Variants in TNR observed in about 807,000 individuals in gnomAD.
TNR encodes tenascin-R.
In TNR, 45 loss-of-function variants were observed where a neutral mutation model predicts 150.4. The observed-to-expected ratio is 0.30, with a 90% confidence interval of 0.24 to 0.38. TNR has a LOEUF of 0.38. Ranked by LOEUF, TNR falls within the 10% of genes least tolerant of loss-of-function variation. The pLI, the probability that TNR is intolerant of heterozygous loss-of-function variation, is 1.00. For missense variants in TNR, 1,544 were observed against 1,759.1 expected, an observed-to-expected ratio of 0.88 and a Z score of 2.19; for synonymous variants, 687 against 678.4, an observed-to-expected ratio of 1.01 and a Z score of -0.20.
rs577565972 is a variant in TNR at position 175,491,895 on chromosome 1, C to T, written c.-64+36374G>A. ...CGATCTCCTGACCTCGTGATCCGCC[C>T]GCCTTGGCCTCCCAAAGTGCTGGGA... On this transcript the variant is annotated intron_variant, in intron 2 of 22. Coordinates refer to ENST00000367674, the MANE Select transcript of TNR (RefSeq NM_003285.3). Among the ~76,000 whole-genome samples, 11 of 151,736 alleles carry T rather than the reference C, an allele frequency of 7.2e-5. No individual in the cohort carries two copies. In the South Asian group the frequency reaches 1.7e-3, roughly 23 times the overall value.
In TNR at chr1:175,366,030, G is replaced by T. The variant is rs774540890; in HGVS notation, c.2162C>A (p.Thr721Asn). 27 of 1,614,034 alleles carry T rather than the reference G, an allele frequency of 1.7e-5. No homozygotes were observed. The Admixed American group carries it at 4.3e-4, about 26-fold the overall frequency. Residue 721 changes from threonine (T) to asparagine (N), a missense_variant, in exon 11 of 23, where the codon ACC becomes AAC. This residue lies in a region of TNR where 1,254 missense variants were observed against 1,329.4 expected (regional missense o/e 0.94). Coordinates refer to ENST00000367674, the MANE Select transcript of TNR (RefSeq NM_003285.3). ...GPIDHYRITFTPSSGIASEVT... is the reference protein window; with the variant it reads ...GPIDHYRITFNPSSGIASEVT... ...TTCTGAGGCAATCCCAGAGGATGGG[G>T]TAAAGGTAATTCGGTAGTGGTCAAT...
At chr1:175,576,613 C>T (rs1662119489) in intron 1 of TNR, among the ~76,000 whole-genome samples, 1 of 152,158 alleles carries the variant, frequency 6.6e-6, no homozygotes, top group African/African-American at 2.4e-5. Context: ...GATCTTTCCC[C>T]ACCTCCATCA....
rs56874892 is a variant in TNR, at chr1:175,587,898, A to C, written c.-164-59529T>G. On this transcript the variant is annotated intron_variant, in intron 1 of 22. Transcript: ENST00000367674. Reference sequence around the variant, plus strand: ...CCCATGTAACCACTAAGAGAGGGGAAGCAAACAGTGAGGGCCACTCACATG... The same window carrying C: ...CCCATGTAACCACTAAGAGAGGGGACGCAAACAGTGAGGGCCACTCACATG... Among the ~76,000 whole-genome samples, 559 of 152,320 alleles carry C rather than the reference A, an allele frequency of 3.7e-3. 4 individuals carry two copies. The highest frequency in any genetic ancestry group is 0.013 in the African/African-American group (534 of 41,572).
chr1:175,366,208 G>T (rs1651835928), intron 10 of TNR, 70 bp from the exon 11 acceptor site: 15 of 1,476,898 alleles, frequency 1.0e-5, no homozygotes, highest in East Asian at 9.3e-5. Context: ...GGCCTGCTTT[G>T]TGTGTTTCCA....
Position 175,607,248 on chromosome 1 carries a change from AGCTT to A in TNR, c.-164-78883_-164-78880del, listed in dbSNP as rs796662608. On this transcript the variant is annotated intron_variant, in intron 1 of 22. Transcript: ENST00000367674. ...TCTTGAGACTAGAGGTCACATGACA[AGCTT>A]GCAAGTGGCTCAAGTAGGAAGGACA... Among the ~76,000 whole-genome samples, 19 of 152,340 alleles carry A rather than the reference AGCTT, an allele frequency of 1.2e-4. 1 individual carries two copies. In the South Asian group the frequency reaches 3.7e-3, roughly 30 times the overall value.
At chr1:175,632,209 G>A (rs1443405804) in intron 1 of TNR, among the ~76,000 whole-genome samples, 2 of 152,198 alleles carry the variant, frequency 1.3e-5, no homozygotes, top group African/African-American at 4.8e-5. Flanking sequence ...TAGAAATTTT[G>A]CAAACAAAAG....
chr1:175,331,188 TC>T (rs869287091), intron 20 of TNR, among the ~76,000 whole-genome samples: 21 of 65,040 alleles, frequency 3.2e-4, no homozygotes, highest in Admixed American at 1.7e-3. Context: ...CTTCCTTCCT[TC>T]CTTCCTTCCT....
chr1:175,545,983 G>C (rs1239125042), intron 1 of TNR, among the ~76,000 whole-genome samples: 1 of 152,192 alleles, frequency 6.6e-6, no homozygotes, highest in Non-Finnish European at 1.5e-5. Context: ...CTGGCTTCCT[G>C]GAGAGTGGAA....
chr1:175,407,845 C>G (rs1413559240), intron 2 of TNR, among the ~76,000 whole-genome samples: 2 of 152,202 alleles, frequency 1.3e-5, no homozygotes, highest in Non-Finnish European at 2.9e-5. Context: ...GAATGCAGGT[C>G]TGACTCCAAA....
intron 2 of TNR, among the ~76,000 whole-genome samples, chr1:175,437,034 A>T (rs917400381): frequency 2.0e-5 from 3 of 152,228 alleles, no homozygotes; most frequent in Non-Finnish European, 4.4e-5. Context: ...GACCTAATAG[A>T]CATCTACAGA....
rs1042937345 is a variant in TNR, at chr1:175,321,648, T to C, written c.*1709A>G. On this transcript the variant is annotated 3_prime_UTR_variant, in exon 23 of 23. Transcript: ENST00000367674. ...TTGAAAGGTCACGGCTTCTAGAGCA[T>C]CTAGCTCTCTTGGGCTTAAGATCAA... The C allele has an allele frequency of 6.6e-5, 10 of 152,352 alleles. No individual in the cohort carries two copies. The highest frequency in any genetic ancestry group is 2.4e-4 in the African/African-American group (10 of 41,460). 9.4% of individuals were successfully genotyped at this position (152,352 alleles called of 1,614,324 possible). A position where few individuals can be genotyped will look rare whatever the true frequency, so the allele number is the denominator to read the frequency against.
intron 1 of TNR, among the ~76,000 whole-genome samples, chr1:175,612,256 G>T (rs777709902): frequency 6.6e-6 from 1 of 152,138 alleles, no homozygotes; most frequent in African/African-American, 2.4e-5. Context: ...CCACCCCTAG[G>T]TTTCTCCTAC....
intron 2 of TNR, among the ~76,000 whole-genome samples, chr1:175,428,801 T>C (rs1655130197): frequency 6.6e-6 from 1 of 152,236 alleles, no homozygotes; most frequent in Non-Finnish European, 1.5e-5. Context: ...GCTCACCAAC[T>C]ACTCTTAGTT....
intron 2 of TNR, among the ~76,000 whole-genome samples, chr1:175,482,639 G>A (rs1380588551): frequency 1.3e-5 from 2 of 152,166 alleles, no homozygotes; most frequent in East Asian, 1.9e-4. Flanking sequence ...CTAAGAAGGT[G>A]AACATCCAGC....
At chr1:175,671,010 A>T (rs893897734) in intron 1 of TNR, among the ~76,000 whole-genome samples, 3 of 152,152 alleles carry the variant, frequency 2.0e-5, no homozygotes, top group African/African-American at 7.2e-5. Flanking sequence ...AAGGATGATG[A>T]TGGCTGGAAC....
intron 12 of TNR, among the ~76,000 whole-genome samples, chr1:175,364,578 C>T (rs1651749337): frequency 6.6e-6 from 1 of 152,186 alleles, no homozygotes; most frequent in Non-Finnish European, 1.5e-5. Context: ...AGGTCACTAC[C>T]TGATTGCATG....
intron 14 of TNR, among the ~76,000 whole-genome samples, chr1:175,362,210 C>A (rs533981939): frequency 6.6e-6 from 1 of 152,106 alleles, no homozygotes; most frequent in African/African-American, 2.4e-5. Flanking sequence ...CTCCCTGGAG[C>A]ACAAAGCAAG....
chr1:175,448,647 T>A (rs541447229), intron 2 of TNR, among the ~76,000 whole-genome samples: 140 of 152,272 alleles, frequency 9.2e-4, no homozygotes, highest in African/African-American at 2.6e-3. Context: ...TTTCGAGCTG[T>A]GGAGGCAACC....
chr1:175,694,375 C>T (rs1571759767), intron 1 of TNR, among the ~76,000 whole-genome samples: 2 of 152,314 alleles, frequency 1.3e-5, no homozygotes, highest in East Asian at 1.9e-4. Context: ...CATCACGGAC[C>T]TGACCTCCCT....
Sources: gnomAD v4.1 joint callset for allele counts (sites outside exome capture counted in the v4.1 genomes callset) on GRCh38, gnomAD v4.1.1 for gene constraint, gnomAD v4.1.1 regional missense constraint, MANE v1.5 for transcripts, NCBI Gene and HGNC (gene_info 2026-07-23, HGNC 2026-07-21) for gene names.